The following HSPA12A variants were observed in gnomAD, a reference collection of about 807,000 sequenced individuals.
The protein encoded by HSPA12A is heat shock protein family A (Hsp70) member 12A.
HSPA12A carries 28 observed loss-of-function variants against 69.2 expected under a neutral mutation model. The observed-to-expected ratio is 0.40, with a 90% CI of 0.30 to 0.55. The LOEUF is 0.55. Ranked by LOEUF, HSPA12A falls within the 20% of genes least tolerant of loss-of-function variation. The pLI is 0.38. For missense variants in HSPA12A, 686 were observed against 900.7 expected, an observed-to-expected ratio of 0.76 and a Z score of 3.05; for synonymous variants, 345 against 370.5, an observed-to-expected ratio of 0.93 and a Z score of 0.79.
At chr10:116,696,921 C>T (rs1402727835) in intron 5 of HSPA12A, among the ~76,000 whole-genome samples, 3 of 152,232 alleles carry the variant, frequency 2.0e-5, no homozygotes, top group Admixed American at 1.3e-4. Context: ...CACCCTGCCC[C>T]GAATCCACCT....
At chr10:116,821,593 T>C (rs963461627) in intron 2 of HSPA12A, among the ~76,000 whole-genome samples, 1 of 152,274 alleles carries the variant, frequency 6.6e-6, no homozygotes, top group African/African-American at 2.4e-5. Flanking sequence ...GGAAGCCCCA[T>C]GAGGGCAGGG....
At chr10:116,703,101 C>T (rs1850127419) in intron 3 of HSPA12A, among the ~76,000 whole-genome samples, 1 of 152,170 alleles carries the variant, frequency 6.6e-6, no homozygotes, top group Non-Finnish European at 1.5e-5. Context: ...GCAGCACAGA[C>T]CCTCACAGCA....
chr10:116,764,339 T>G (rs1229409874), intron 2 of HSPA12A, among the ~76,000 whole-genome samples: 1 of 152,172 alleles, frequency 6.6e-6, no homozygotes, highest in Non-Finnish European at 1.5e-5. Context: ...AAATGATCAT[T>G]CATAGACAAG....
At chr10:116,718,341 TA>T (rs1387969575) in intron 1 of HSPA12A, among the ~76,000 whole-genome samples, 1 of 152,024 alleles carries the variant, frequency 6.6e-6, no homozygotes, top group Non-Finnish European at 1.5e-5. Context: ...GAGGTAAGGG[TA>T]GGGAAGGTGA....
chr10:116,682,040 T>C (rs951397302), intron 7 of HSPA12A, among the ~76,000 whole-genome samples, 163 bp from the exon 8 acceptor site: 1 of 152,188 alleles, frequency 6.6e-6, no homozygotes. Flanking sequence ...CAAAGCCAGC[T>C]CTTCCCAGAG....
intron 3 of HSPA12A, among the ~76,000 whole-genome samples, chr10:116,704,380 T>G (rs1350610457): frequency 6.6e-6 from 1 of 152,062 alleles, no homozygotes; most frequent in African/African-American, 2.4e-5. Context: ...AAACACCGCA[T>G]GTTCTCACTC....
chr10:116,845,032 G>A (rs1216979051), intron 1 of HSPA12A, among the ~76,000 whole-genome samples: 1 of 152,136 alleles, frequency 6.6e-6, no homozygotes, highest in Non-Finnish European at 1.5e-5. Context: ...GAGTTATAAA[G>A]TAGGAGAGAT....
chr10:116,682,867 A>ATTTTTTTT (rs60393392), intron 7 of HSPA12A, among the ~76,000 whole-genome samples: 24 of 117,680 alleles, frequency 2.0e-4, no homozygotes, highest in African/African-American at 7.0e-4. Context: ...CGCCCGGCTA[A>ATTTTTTTT]TTTTTTTTTT....
intron 1 of HSPA12A, among the ~76,000 whole-genome samples, chr10:116,707,885 T>C (rs1256204888): frequency 2.0e-5 from 3 of 152,062 alleles, no homozygotes; most frequent in Non-Finnish European, 2.9e-5. Flanking sequence ...ACTGAAGGTT[T>C]GGGACCTTTT....
chr10:116,793,893 A>G (rs1025758230), intron 2 of HSPA12A, among the ~76,000 whole-genome samples: 2 of 152,162 alleles, frequency 1.3e-5, no homozygotes, highest in Admixed American at 6.5e-5. Context: ...CATATCAATA[A>G]TTACAATAAA....
intron 2 of HSPA12A, among the ~76,000 whole-genome samples, chr10:116,779,134 C>T (rs1319832949): frequency 6.6e-6 from 1 of 152,230 alleles, no homozygotes; most frequent in South Asian, 2.1e-4. Flanking sequence ...TCCAAGCCCT[C>T]CAGGGCCTTC....
intron 1 of HSPA12A, among the ~76,000 whole-genome samples, chr10:116,724,636 T>C (rs1407545447): frequency 6.6e-6 from 1 of 152,200 alleles, no homozygotes; most frequent in Non-Finnish European, 1.5e-5. Context: ...TGGATAATAT[T>C]TCCTATAGTA....
In HSPA12A at chr10:116,707,305, C is replaced by T. The variant is rs371603810; in HGVS notation, c.41-20G>A. The T allele has an allele frequency of 7.1e-5, 113 of 1,593,088 alleles. No individual in the cohort carries two copies. The highest frequency in any genetic ancestry group is 9.2e-5 in the Non-Finnish European group (107 of 1,166,748). Reference sequence around the variant, plus strand: ...CCGTTTCTGAAAGGAAAAACAAAGCCGCCTCCTTAGAAGTGGCATGGACTG... The same window carrying T: ...CCGTTTCTGAAAGGAAAAACAAAGCTGCCTCCTTAGAAGTGGCATGGACTG... On this transcript the variant is annotated intron_variant, in intron 1 of 11. Transcript: ENST00000369209.
At chr10:116,680,529 A>C (rs1849371827) in intron 9 of HSPA12A, among the ~76,000 whole-genome samples, 1 of 152,098 alleles carries the variant, frequency 6.6e-6, no homozygotes, top group African/African-American at 2.4e-5. Flanking sequence ...TCTGTCACCC[A>C]AGTTGGAGTG....
intron 1 of HSPA12A, among the ~76,000 whole-genome samples, chr10:116,841,196 C>T (rs7095651): frequency 0.04 from 6,034 of 152,262 alleles, 386 homozygotes; most frequent in African/African-American, 0.13. Flanking sequence ...TAGATACTCC[C>T]GCACTTTCCT....
At chr10:116,787,456 A>AC (rs1396340783) in intron 2 of HSPA12A, among the ~76,000 whole-genome samples, 27 of 150,238 alleles carry the variant, frequency 1.8e-4, no homozygotes, top group Admixed American at 2.0e-4. Flanking sequence ...AAAAAAAAAA[A>AC]AAAAAAACCA....
At chr10:116,727,118 T>C (rs1225951936) in intron 1 of HSPA12A, among the ~76,000 whole-genome samples, 1 of 152,154 alleles carries the variant, frequency 6.6e-6, no homozygotes, top group Non-Finnish European at 1.5e-5. Flanking sequence ...GAAAGAAAAA[T>C]AGGACTATAT....
intron 2 of HSPA12A, among the ~76,000 whole-genome samples, chr10:116,812,384 C>G (rs1337850424): frequency 6.6e-6 from 1 of 152,026 alleles, no homozygotes; most frequent in Non-Finnish European, 1.5e-5. Flanking sequence ...ACCCAGGAGG[C>G]AGAGGATGCA....
Position 116,707,224 on chromosome 10 carries a change from C to T in HSPA12A, c.102G>A (p.Thr34=), listed in dbSNP as rs781991654. ...PARSLGDTGI[T]PLSPSHIVND... Reference sequence around the variant, plus strand: ...CCACAATATGGGAGGGGGACAGAGGCGTTATTCCTGTGTCCCCAAGACTCC... The same window carrying T: ...CCACAATATGGGAGGGGGACAGAGGTGTTATTCCTGTGTCCCCAAGACTCC... Residue 34 remains threonine, a synonymous_variant, in exon 2 of 12, where the codon ACG becomes ACA. Transcript: ENST00000369209. 6.8e-6 allele frequency: 11 copies of T among 1,610,376 alleles called. No individual in the cohort carries two copies. The highest frequency in any genetic ancestry group is 1.7e-5 in the Admixed American group (1 of 59,650).
Sources: gnomAD v4.1 joint callset for allele counts (sites outside exome capture counted in the v4.1 genomes callset) on GRCh38, gnomAD v4.1.1 for gene constraint, MANE v1.5 for transcripts, NCBI Gene and HGNC (gene_info 2026-07-23, HGNC 2026-07-21) for gene names.